CC2D2B: variants seen among roughly 807,000 people sequenced by gnomAD.
CC2D2B encodes coiled-coil and C2 domain containing 2B, also known as protein CC2D2B.
Under a neutral mutation model 161.2 loss-of-function variants are expected in CC2D2B, and 128 were observed. That is an observed-to-expected ratio of 0.79 (90% CI 0.69 to 0.92). The LOEUF (loss-of-function observed/expected upper bound fraction) is 0.92. Ranked by LOEUF, CC2D2B falls within the 40% of genes least tolerant of loss-of-function variation. The probability of loss-of-function intolerance (pLI) is 0.00; values close to 1 mark genes in which losing one functional copy is unlikely to be tolerated. For synonymous variants in CC2D2B, 391 were observed against 449.8 expected (o/e 0.87, Z 1.65); for missense variants, 1,173 against 1,375.1 (o/e 0.85, Z 2.32).
intron 9 of CC2D2B, among the ~76,000 whole-genome samples, chr10:95,946,205 A>C (rs1209789635): frequency 6.6e-6 from 1 of 152,182 alleles, no homozygotes; most frequent in Non-Finnish European, 1.5e-5. Context: ...ACACCTCCTC[A>C]AATGTTTGAA....
intron 29 of CC2D2B, 58 bp downstream of exon 29, chr10:96,013,935 C>T: frequency 1.2e-6 from 1 of 828,140 alleles, no homozygotes; most frequent in Non-Finnish European, 1.7e-6. Flanking sequence ...TTTAAGGAAA[C>T]CTTTTAAAAA....
At chr10:95,940,238 A>C (rs553333798) in intron 9 of CC2D2B, among the ~76,000 whole-genome samples, 1 of 152,138 alleles carries the variant, frequency 6.6e-6, no homozygotes, top group Non-Finnish European at 1.5e-5. Context: ...ATGGTGTTAA[A>C]CCATTCATGA....
intron 6 of CC2D2B, among the ~76,000 whole-genome samples, chr10:95,934,072 C>A (rs955482332): frequency 6.6e-6 from 1 of 152,090 alleles, no homozygotes; most frequent in Non-Finnish European, 1.5e-5. Flanking sequence ...TCAGAGATGC[C>A]CTGGCCAGAG....
intron 32 of CC2D2B, among the ~76,000 whole-genome samples, chr10:96,021,846 T>C (rs1462786913): frequency 1.1e-4 from 16 of 152,328 alleles, no homozygotes. Context: ...TTTAAAAGTC[T>C]AAAACAAATA....
chr10:95,950,711 T>C (rs1481558423), intron 10 of CC2D2B, among the ~76,000 whole-genome samples: 2 of 152,230 alleles, frequency 1.3e-5, no homozygotes, highest in Non-Finnish European at 2.9e-5. Flanking sequence ...CTCTAAGCTA[T>C]TTAATGAAAC....
Position 95,982,001 on chromosome 10 carries a change from G to C in CC2D2B, c.1970G>C (p.Ser657Thr), listed in dbSNP as rs2077548786. 1 of 1,230,494 alleles carries C rather than the reference G, an allele frequency of 8.1e-7. No homozygotes were observed. The highest frequency in any genetic ancestry group is 4.1e-5 in the South Asian group (1 of 24,294). 76.2% of individuals were successfully genotyped at this position (1,230,494 alleles called of 1,614,324 possible). The change falls in exon 18 of 35, where the codon AGT becomes ACT. Residue 657 changes from serine to threonine, a missense_variant. Physicochemically the swap from Ser to Thr is moderately conservative, Grantham distance 58. Coordinates refer to ENST00000646931, the MANE Select transcript of CC2D2B (RefSeq NM_001349008.3). The stretch of plus-strand genomic sequence containing the variant: ...ATGTTAAGGAATGTAGATGCAAGAA[G>C]TGTTCCTGGAATTCCATGGCTCATG... ...CSMLRNVDAR[S>T]VPGIPWLMNE...
chr10:95,912,771 T>G (rs909448547), intron 2 of CC2D2B, among the ~76,000 whole-genome samples: 6 of 152,154 alleles, frequency 3.9e-5, no homozygotes, highest in Non-Finnish European at 8.8e-5. Flanking sequence ...TTGGATTTTA[T>G]CATTAAAAGG....
rs185821868 is a variant in CC2D2B at position 96,002,202 on chromosome 10, G to T, written c.2850-1950G>T. On this transcript the variant is annotated intron_variant, in intron 24 of 34. Coordinates refer to ENST00000646931, the MANE Select transcript of CC2D2B (RefSeq NM_001349008.3). ...TCCTTGCAATTATAGCAGTGAAATA[G>T]GCCAAGAACAATGTAGAGCACAACC... 2.0e-5 allele frequency among the ~76,000 whole-genome samples: 3 copies of T among 152,182 alleles called. No homozygotes were observed. The East Asian group carries it at 5.8e-4, about 29-fold the overall frequency.
chr10:96,008,176 T>TTC (rs2078838116), intron 25 of CC2D2B, among the ~76,000 whole-genome samples: 1 of 151,274 alleles, frequency 6.6e-6, no homozygotes, highest in Non-Finnish European at 1.5e-5. Flanking sequence ...TTCTTTTTTT[T>TTC]TTTTTTTTGG....
At chr10:95,928,298 A>G (rs2098543234) in intron 6 of CC2D2B, among the ~76,000 whole-genome samples, 1 of 152,200 alleles carries the variant, frequency 6.6e-6, no homozygotes, top group African/African-American at 2.4e-5. Flanking sequence ...GTAATGCAGA[A>G]AGCCACAAGG....
At chr10:95,910,890 T>C (rs1024427261) in intron 1 of CC2D2B, among the ~76,000 whole-genome samples, 3 of 152,190 alleles carry the variant, frequency 2.0e-5, no homozygotes, top group African/African-American at 7.2e-5. Flanking sequence ...GTACCCTTTT[T>C]GTGAAAGTGA....
Position 95,982,125 on chromosome 10 carries a change from C to T in CC2D2B, c.2082+12C>T, listed in dbSNP as rs2077551189. 1.6e-6 allele frequency: 2 copies of T among 1,212,320 alleles called. No homozygotes were observed. Among genetic ancestry groups the T allele is most frequent in the East Asian group, 3.2e-5 (1 of 31,530 alleles). The allele number at this position is 1,212,320 out of a possible 1,614,324, so 75.1% of individuals were successfully genotyped here. ...TGGAATCTGTTACGGTAAGTTAAAG[C>T]AAATATCAATACTGTAAACATATTC... is the stretch of plus-strand genomic sequence containing the variant. On this transcript the variant is annotated intron_variant, in intron 18 of 34. Transcript: ENST00000646931.
At chr10:95,953,846 T>A (rs1361855678) in intron 10 of CC2D2B, among the ~76,000 whole-genome samples, 1 of 152,210 alleles carries the variant, frequency 6.6e-6, no homozygotes, top group Non-Finnish European at 1.5e-5. Flanking sequence ...CTGCTCCAGT[T>A]GAAGGCATAC....
In CC2D2B at chr10:96,028,598, A is replaced by G. The variant is rs149495601; in HGVS notation, c.4125+1209A>G. Reference sequence around the variant, plus strand: ...TCAAAAAACTAAAAATAGAGCTACCATAGGATCCAGCAATCCCACTGCTGG... The same window carrying G: ...TCAAAAAACTAAAAATAGAGCTACCGTAGGATCCAGCAATCCCACTGCTGG... On this transcript the variant is annotated intron_variant, in intron 34 of 34. Coordinates refer to ENST00000646931, the MANE Select transcript of CC2D2B (RefSeq NM_001349008.3). 5.3e-3 allele frequency among the ~76,000 whole-genome samples: 808 copies of G among 152,344 alleles called. 2 individuals are homozygous for G. The highest frequency in any genetic ancestry group is 0.019 in the African/African-American group (775 of 41,572).
At chr10:95,923,288 G>A (rs1333249031) in intron 3 of CC2D2B, among the ~76,000 whole-genome samples, 2 of 151,934 alleles carry the variant, frequency 1.3e-5, no homozygotes, top group Non-Finnish European at 2.9e-5. Context: ...GTCTTGCTAT[G>A]TTGCGCAAGC....
chr10:95,982,178 A>G, intron 18 of CC2D2B, 65 bp downstream of exon 18: 7 of 1,069,624 alleles, frequency 6.5e-6, no homozygotes, highest in East Asian at 3.3e-5. Context: ...TTAGGAAAGT[A>G]TAGTTTCCCC....
intron 6 of CC2D2B, among the ~76,000 whole-genome samples, chr10:95,928,203 C>T (rs1175242865): frequency 6.7e-6 from 1 of 149,422 alleles, no homozygotes. Flanking sequence ...CTTTCATTCT[C>T]GTTTTGTTAT....
intron 21 of CC2D2B, 126 bp from the exon 22 acceptor site, chr10:95,992,401 G>T (rs2077992971): frequency 2.9e-6 from 2 of 688,482 alleles, no homozygotes; most frequent in Non-Finnish European, 4.1e-6. Context: ...AGACAATTCT[G>T]TCTCCCCTCC....
intron 21 of CC2D2B, 104 bp from the exon 22 acceptor site, chr10:95,992,423 A>C: frequency 1.1e-6 from 1 of 883,012 alleles, no homozygotes; most frequent in Non-Finnish European, 1.5e-6. Context: ...TAATGCAGAG[A>C]ATATGGTTTA....
Sources: allele counts gnomAD v4.1 joint callset (sites outside exome capture counted in the v4.1 genomes callset), GRCh38; gene constraint gnomAD v4.1.1; transcripts MANE v1.5; gene names NCBI Gene and HGNC (gene_info 2026-07-23, HGNC 2026-07-21).